The following NTRK2 variants were observed in gnomAD, a reference collection of about 807,000 sequenced individuals.
NTRK2 encodes the protein neurotrophic receptor tyrosine kinase 2, also known as BDNF/NT-3 growth factors receptor.
A neutral mutation model predicts 94.5 loss-of-function variants in NTRK2; 13 were observed. That is an observed-to-expected ratio of 0.14 (90% CI 0.09 to 0.22). The LOEUF is 0.22. Among genes scored for constraint, NTRK2 ranks in the 10% least tolerant of loss-of-function variants. The probability of loss-of-function intolerance (pLI) is 1.00; values close to 1 mark genes in which losing one functional copy is unlikely to be tolerated. For missense variants in NTRK2, 639 were observed against 1,071.2 expected, an observed-to-expected ratio of 0.60 and a Z score of 5.63; for synonymous variants, 372 against 407.4, an observed-to-expected ratio of 0.91 and a Z score of 1.05.
Position 84,829,971 on chromosome 9 carries a change from T to A in NTRK2, c.1397-31069T>A, listed in dbSNP as rs866827342. Among the ~76,000 whole-genome samples, 3 of 152,210 alleles carry A rather than the reference T, an allele frequency of 2.0e-5. No homozygotes were observed. In the South Asian group the frequency reaches 6.2e-4, roughly 32 times the overall value. Reference sequence around the variant, plus strand: ...TTGGGAATAAACCATCAAAAACATCTGGGGCAAAGCTTCCCTGTGGGTATT... The same window carrying A: ...TTGGGAATAAACCATCAAAAACATCAGGGGCAAAGCTTCCCTGTGGGTATT... On this transcript the variant is annotated intron_variant, in intron 12 of 18. Transcript: ENST00000277120.
chr9:84,842,481 C>T (rs1028887778), intron 12 of NTRK2, among the ~76,000 whole-genome samples: 11 of 152,180 alleles, frequency 7.2e-5, no homozygotes, highest in Non-Finnish European at 1.5e-4. Flanking sequence ...CAGGATTTTA[C>T]CTCCACTGCA....
chr9:84,996,121 G>A (rs777055425), intron 17 of NTRK2, among the ~76,000 whole-genome samples: 1 of 152,204 alleles, frequency 6.6e-6, no homozygotes, highest in Non-Finnish European at 1.5e-5. Flanking sequence ...GTGAACATAT[G>A]AGGCTGCTGT....
At chr9:84,769,756 G>T (rs2066356487) in intron 12 of NTRK2, among the ~76,000 whole-genome samples, 1 of 152,198 alleles carries the variant, frequency 6.6e-6, no homozygotes, top group African/African-American at 2.4e-5. Flanking sequence ...CACAACAGTA[G>T]TGGGTTGAGG....
At chr9:84,703,990 C>T (rs2060888297) in intron 4 of NTRK2, among the ~76,000 whole-genome samples, 1 of 152,266 alleles carries the variant, frequency 6.6e-6, no homozygotes, top group East Asian at 1.9e-4. Flanking sequence ...ATTTTCATTA[C>T]AGTTGACCTT....
At chr9:84,747,691 C>T (rs1002009932) in intron 11 of NTRK2, among the ~76,000 whole-genome samples, 5 of 152,008 alleles carry the variant, frequency 3.3e-5, no homozygotes, top group Non-Finnish European at 7.4e-5. Context: ...CCATGTTAGC[C>T]AGGATGGTCT....
chr9:84,783,818 T>G (rs1336535479), intron 12 of NTRK2, among the ~76,000 whole-genome samples: 1 of 151,468 alleles, frequency 6.6e-6, no homozygotes. Flanking sequence ...TGCTGGGTTG[T>G]GGGGGCAGGG....
intron 12 of NTRK2, among the ~76,000 whole-genome samples, chr9:84,753,013 G>C (rs936032854): frequency 6.6e-6 from 1 of 152,166 alleles, no homozygotes; most frequent in Non-Finnish European, 1.5e-5. Context: ...ACTTGAAAGG[G>C]AATGTTTCAG....
intron 15 of NTRK2, 106 bp downstream of exon 15, chr9:84,934,398 C>T (rs1167619430): frequency 1.7e-6 from 2 of 1,199,622 alleles, no homozygotes; most frequent in Non-Finnish European, 1.2e-6. Context: ...GTAAATTGTT[C>T]CTGCTATGAT....
chr9:84,768,989 C>A (rs1278522826), intron 12 of NTRK2, among the ~76,000 whole-genome samples: 1 of 152,010 alleles, frequency 6.6e-6, no homozygotes, highest in African/African-American at 2.4e-5. Context: ...TTTGGCTTAA[C>A]CAACTTAATA....
At chr9:84,935,232 G>A (rs1405329085) in intron 15 of NTRK2, among the ~76,000 whole-genome samples, 8 of 152,014 alleles carry the variant, frequency 5.3e-5, no homozygotes, top group Non-Finnish European at 4.4e-5. Flanking sequence ...TGCCAAACAG[G>A]AAACATTTTT....
intron 17 of NTRK2, among the ~76,000 whole-genome samples, chr9:85,014,143 T>C (rs1335847607): frequency 1.3e-5 from 2 of 152,002 alleles, no homozygotes; most frequent in African/African-American, 2.4e-5. Flanking sequence ...AATGCAACAT[T>C]TGGGTCTGGA....
At chr9:84,679,510 C>T (rs1262392267) in intron 2 of NTRK2, among the ~76,000 whole-genome samples, 1 of 152,048 alleles carries the variant, frequency 6.6e-6, no homozygotes, top group African/African-American at 2.4e-5. Context: ...CTGAAAGGAG[C>T]GCTGGTTAGG....
chr9:84,874,591 A>G, intron 14 of NTRK2: 1 of 1,062,700 alleles, frequency 9.4e-7, no homozygotes, highest in Non-Finnish European at 1.1e-6. Flanking sequence ...ATGGCAAGAG[A>G]AGAAACACTT....
At chr9:84,835,530 GAAC>G (rs1030542334) in intron 12 of NTRK2, among the ~76,000 whole-genome samples, 60 of 151,708 alleles carry the variant, frequency 4.0e-4, no homozygotes, top group African/African-American at 1.3e-3. Flanking sequence ...ACAACAACAA[GAAC>G]AACAAGAACA....
chr9:84,803,358 C>T (rs1245830159), intron 12 of NTRK2, among the ~76,000 whole-genome samples: 2 of 152,190 alleles, frequency 1.3e-5, no homozygotes, highest in African/African-American at 4.8e-5. Context: ...TCTTTGAAGC[C>T]TGGAAGCTCC....
At chr9:84,864,606 C>T (rs964419359) in intron 13 of NTRK2, among the ~76,000 whole-genome samples, 8 of 152,078 alleles carry the variant, frequency 5.3e-5, no homozygotes, top group African/African-American at 7.2e-5. Context: ...CTTCAGGGAG[C>T]GCAGGCAGTA....
At chr9:84,907,705 T>G (rs2077115223) in intron 14 of NTRK2, among the ~76,000 whole-genome samples, 1 of 146,648 alleles carries the variant, frequency 6.8e-6, no homozygotes, top group Non-Finnish European at 1.5e-5. Context: ...TTTTTTTTTT[T>G]GAGTAACACT....
chr9:84,840,911 G>C (rs1246766262), intron 12 of NTRK2, among the ~76,000 whole-genome samples: 2 of 152,106 alleles, frequency 1.3e-5, no homozygotes, highest in Non-Finnish European at 2.9e-5. Flanking sequence ...GAGGCACCCA[G>C]CGCAGCTTCT....
chr9:85,004,120 G>GAGGAAGGA (rs796427907), intron 17 of NTRK2, among the ~76,000 whole-genome samples: 1 of 149,932 alleles, frequency 6.7e-6, no homozygotes, highest in South Asian at 2.2e-4. Flanking sequence ...GGAAGGGAGT[G>GAGGAAGGA]AGGAAGGAAG....
Sources: allele counts gnomAD v4.1 joint callset (sites outside exome capture counted in the v4.1 genomes callset), GRCh38; gene constraint gnomAD v4.1.1; transcripts MANE v1.5; gene names NCBI Gene and HGNC (gene_info 2026-07-23, HGNC 2026-07-21).